BCOR: variants seen among roughly 807,000 people sequenced by gnomAD.
The protein encoded by BCOR is BCL6 corepressor, also known as BCL-6 corepressor.
BCOR carries 10 observed loss-of-function variants against 86.7 expected under a neutral mutation model. The observed-to-expected ratio is 0.12, with a 90% CI of 0.07 to 0.20. The LOEUF (loss-of-function observed/expected upper bound fraction) is 0.20, where lower values mean the gene tolerates loss of function less well. BCOR is among the 10% of genes least tolerant of loss of function. BCOR has a pLI of 1.00. For synonymous variants in BCOR, 611 were observed against 609.0 expected, an observed-to-expected ratio of 1.00 and a Z score of -0.05; for missense variants, 1,259 against 1,452.1, an observed-to-expected ratio of 0.87 and a Z score of 2.16.
At chrX:40,158,305 G>C (rs1343054222) in intron 1 of BCOR, among the ~76,000 whole-genome samples, 3 of 112,162 alleles carry the variant, frequency 2.7e-5, no homozygotes, top group Non-Finnish European at 5.7e-5. Context: ...CTTCTCCCCC[G>C]GACGCGGGCG....
chrX:40,087,670 T>A lies in BCOR; in HGVS notation c.-41+9545A>T, dbSNP rs138208940. 2.4e-3 allele frequency among the ~76,000 whole-genome samples: 267 copies of A among 111,728 alleles called. 2 individuals carry two copies. The highest frequency in any genetic ancestry group is 7.6e-3 in the African/African-American group (234 of 30,682). On this transcript the variant is annotated intron_variant, in intron 1 of 14. Coordinates refer to ENST00000378444, the MANE Select transcript of BCOR (RefSeq NM_001123385.2). ...GTAGAAATAAACCCCCGGTGCTGCT[T>A]TCCCTACCCATCTGATGAGATTTCT...
chrX:40,158,125 A>G (rs1409242681), intron 1 of BCOR, among the ~76,000 whole-genome samples: 2 of 112,200 alleles, frequency 1.8e-5, no homozygotes, highest in Non-Finnish European at 1.9e-5. Flanking sequence ...CCAGGCGGCC[A>G]TCCTCCTGGC....
intron 1 of BCOR, among the ~76,000 whole-genome samples, chrX:40,085,832 T>C (rs1487642398): frequency 9.0e-6 from 1 of 111,563 alleles, no homozygotes; most frequent in Non-Finnish European, 1.9e-5. Context: ...GTCCACCTGC[T>C]TGGGCCAGCC....
rs1415190833 is a variant in BCOR at position 40,097,899 on chromosome X, C to T, written c.-725G>A. On this transcript the variant is annotated 5_prime_UTR_variant, in exon 1 of 15. Coordinates refer to ENST00000378444, the MANE Select transcript of BCOR (RefSeq NM_001123385.2). The stretch of plus-strand genomic sequence containing the variant: ...TCCCCCGCAGCCGCCGAGCTCGGCC[C>T]GCGTTCAGCGAGGAGCGCAGCTCTG... 9.0e-6 allele frequency among the ~76,000 whole-genome samples: 1 copy of T among 110,592 alleles called. No individual in the cohort carries two copies. Among genetic ancestry groups the T allele is most frequent in the Non-Finnish European group, 1.9e-5 (1 of 52,355 alleles).
In BCOR at chrX:40,087,983, G is replaced by C. The variant is rs758907121; in HGVS notation, c.-41+9232C>G. On this transcript the variant is annotated intron_variant, in intron 1 of 14. Coordinates refer to ENST00000378444, the MANE Select transcript of BCOR (RefSeq NM_001123385.2). ...ATTTATTCTTTCCTAAATGACGTAGGCCTCGAGCTATTTCAAGTTTGCATT... is the reference window on the plus strand; with the variant it reads ...ATTTATTCTTTCCTAAATGACGTAGCCCTCGAGCTATTTCAAGTTTGCATT... Among the ~76,000 whole-genome samples, 5 of 112,297 alleles carry C rather than the reference G, an allele frequency of 4.5e-5. No homozygotes were observed. The East Asian group carries it at 1.4e-3, about 31-fold the overall frequency.
chrX:40,078,051 G>A, intron 1 of BCOR, 82 bp from the exon 2 acceptor site: 1 of 584,254 alleles, frequency 1.7e-6, no homozygotes, highest in South Asian at 2.4e-5. Context: ...CTCTTTCTAG[G>A]TGATTCATAA....
chrX:40,175,334 CG>C (rs995487726), intron 1 of BCOR, among the ~76,000 whole-genome samples: 4 of 113,532 alleles, frequency 3.5e-5, no homozygotes, highest in Non-Finnish European at 5.6e-5. Context: ...TGGATTTTCG[CG>C]GCCCGGGCCC....
At chrX:40,061,587 A>G (rs1481373903) in intron 10 of BCOR, among the ~76,000 whole-genome samples, 1 of 109,007 alleles carries the variant, frequency 9.2e-6, no homozygotes, top group Non-Finnish European at 1.9e-5. Context: ...GTTGAGGGAA[A>G]AGTCTCAGTC....
At chrX:40,105,334 CCCG>C (rs1050311314) in intron 1 of BCOR, among the ~76,000 whole-genome samples, 1 of 111,140 alleles carries the variant, frequency 9.0e-6, no homozygotes, top group African/African-American at 3.3e-5. Flanking sequence ...TCGCGGCCGC[CCCG>C]CCGCCGCCGC....
At chrX:40,117,039 G>T (rs1489593589) in intron 1 of BCOR, among the ~76,000 whole-genome samples, 1 of 112,485 alleles carries the variant, frequency 8.9e-6, no homozygotes, top group Non-Finnish European at 1.9e-5. Flanking sequence ...GAGGAGAGAA[G>T]ATCAGTTTCC....
chrX:40,147,630 C>T (rs775108131), intron 1 of BCOR, among the ~76,000 whole-genome samples: 2 of 113,173 alleles, frequency 1.8e-5, no homozygotes, highest in Non-Finnish European at 3.7e-5. Context: ...CGCGACCCGC[C>T]GACCTAGGAG....
chrX:40,146,298 C>T (rs1405603931), intron 1 of BCOR, among the ~76,000 whole-genome samples: 1 of 111,667 alleles, frequency 9.0e-6, no homozygotes, highest in Non-Finnish European at 1.9e-5. Flanking sequence ...TGAGGTCCTC[C>T]CTGCGCCCCC....
intron 1 of BCOR, among the ~76,000 whole-genome samples, chrX:40,133,305 T>G (rs1424033510): frequency 9.1e-6 from 1 of 109,806 alleles, no homozygotes; most frequent in Admixed American, 9.7e-5. Context: ...ACCTGGCTCA[T>G]TTTTGTATTT....
Position 40,073,504 on chromosome X carries a change from G to C in BCOR, c.1842C>G (p.Ser614Arg). 1 of 1,212,321 alleles carries C rather than the reference G, an allele frequency of 8.2e-7. No homozygotes were observed. The highest frequency in any genetic ancestry group is 1.1e-6 in the Non-Finnish European group (1 of 895,670). The change falls in exon 4 of 15, where the codon AGC becomes AGG. Residue 614 changes from serine (S) to arginine (R), a missense_variant. This residue lies in a region of BCOR where 534 missense variants were observed against 594.8 expected (regional missense o/e 0.90). Coordinates refer to ENST00000378444, the MANE Select transcript of BCOR (RefSeq NM_001123385.2). ...CTGGGTTGCTGGCTTTGGCGCCCTT[G>C]CTGCTGGTGCTGCTACTGTGCTTGG... ...TPAKHSSSTS[S>R]KGAKASNPEP...
intron 1 of BCOR, among the ~76,000 whole-genome samples, chrX:40,120,654 C>T (rs1937470776): frequency 8.9e-6 from 1 of 111,887 alleles, no homozygotes; most frequent in Admixed American, 9.5e-5. Context: ...CAAATAACCA[C>T]TGCTGCTGGG....
intron 1 of BCOR, among the ~76,000 whole-genome samples, chrX:40,155,799 C>G (rs1938279711): frequency 8.9e-6 from 1 of 112,968 alleles, no homozygotes; most frequent in South Asian, 3.6e-4. Context: ...AGGCGCGATC[C>G]ATCATCGCAG....
At chrX:40,128,151 G>C (rs140433663) in intron 1 of BCOR, among the ~76,000 whole-genome samples, 1,625 of 111,398 alleles carry the variant, frequency 0.015, 23 homozygotes, top group African/African-American at 0.051. Context: ...CTTGAACCCG[G>C]AAGGAGGAAG....
chrX:40,105,995 G>C (rs965516522), intron 1 of BCOR, among the ~76,000 whole-genome samples: 2 of 112,914 alleles, frequency 1.8e-5, no homozygotes, highest in Admixed American at 1.8e-4. Context: ...CTAGCCTCCG[G>C]CGGGGGACGG....
chrX:40,146,045 G>A (rs924255323), intron 1 of BCOR, among the ~76,000 whole-genome samples: 1 of 112,099 alleles, frequency 8.9e-6, no homozygotes, highest in Non-Finnish European at 1.9e-5. Flanking sequence ...GACCTAAGGG[G>A]AAGCGTAGGA....
Sources: gnomAD v4.1 joint callset for allele counts (sites outside exome capture counted in the v4.1 genomes callset) on GRCh38, gnomAD v4.1.1 for gene constraint, gnomAD v4.1.1 regional missense constraint, MANE v1.5 for transcripts, NCBI Gene and HGNC (gene_info 2026-07-23, HGNC 2026-07-21) for gene names.